The following JARID2 variants were observed in gnomAD, a reference collection of about 807,000 sequenced individuals.
JARID2 encodes the protein jumonji and AT-rich interaction domain containing 2, also known as protein Jumonji.
In JARID2, 21 loss-of-function variants were observed where a neutral mutation model predicts 125.6. That is an observed-to-expected ratio of 0.17 (90% CI 0.12 to 0.24). The LOEUF (loss-of-function observed/expected upper bound fraction) is 0.24, where lower values mean the gene tolerates loss of function less well. JARID2 is among the 10% of genes least tolerant of loss of function. The pLI is 1.00. For missense variants in JARID2, 1,303 were observed against 1,639.6 expected (o/e 0.79, Z 3.55); for synonymous variants, 736 against 661.6 (o/e 1.11, Z -1.73).
chr6:15,395,406 C>G (rs1765183920), intron 2 of JARID2, among the ~76,000 whole-genome samples: 1 of 152,028 alleles, frequency 6.6e-6, no homozygotes, highest in African/African-American at 2.4e-5. Flanking sequence ...GTTGGGACTA[C>G]AGGCGTGCAC....
chr6:15,343,731 T>G (rs1763150230), intron 1 of JARID2, among the ~76,000 whole-genome samples: 1 of 152,206 alleles, frequency 6.6e-6, no homozygotes, highest in African/African-American at 2.4e-5. Flanking sequence ...TAAGATCAGA[T>G]TGTTTAGACT....
intron 1 of JARID2, among the ~76,000 whole-genome samples, chr6:15,278,808 C>T (rs1312123151): frequency 7.9e-5 from 12 of 152,192 alleles, no homozygotes; most frequent in East Asian, 1.9e-4. Context: ...GTGGCCCACA[C>T]GTGTAATCCC....
chr6:15,388,323 A>G (rs1203890004), intron 2 of JARID2, among the ~76,000 whole-genome samples: 1 of 152,126 alleles, frequency 6.6e-6, no homozygotes, highest in Admixed American at 6.5e-5. Flanking sequence ...AAAAGCCAGA[A>G]GAGTGATTAC....
intron 3 of JARID2, among the ~76,000 whole-genome samples, chr6:15,431,670 C>T (rs945325067): frequency 2.6e-5 from 4 of 152,172 alleles, no homozygotes; most frequent in African/African-American, 7.2e-5. Flanking sequence ...GTGTTGAAGA[C>T]TCTTATCTTT....
At chr6:15,308,997 T>G (rs1257808812) in intron 1 of JARID2, among the ~76,000 whole-genome samples, 1 of 152,208 alleles carries the variant, frequency 6.6e-6, no homozygotes, top group Non-Finnish European at 1.5e-5. Context: ...CTGCCCTTCC[T>G]GTGAAGCTGG....
intron 4 of JARID2, among the ~76,000 whole-genome samples, chr6:15,463,309 C>T (rs1768542843): frequency 6.6e-6 from 1 of 152,116 alleles, no homozygotes; most frequent in East Asian, 1.9e-4. Context: ...ATGTGGTGTT[C>T]CATGTGAGGA....
chr6:15,513,645 G>A (rs770923214), intron 16 of JARID2, among the ~76,000 whole-genome samples: 5 of 152,224 alleles, frequency 3.3e-5, no homozygotes, highest in Non-Finnish European at 7.3e-5. Context: ...TTCTGCCCAC[G>A]CGTGGCCCTC....
chr6:15,372,716 A>ATT (rs1007809942), intron 1 of JARID2, among the ~76,000 whole-genome samples: 1 of 145,938 alleles, frequency 6.9e-6, no homozygotes, highest in Non-Finnish European at 1.5e-5. Flanking sequence ...TTATTTATTT[A>ATT]TTTTTTTTTT....
At chr6:15,382,147 C>T (rs901420281) in intron 2 of JARID2, among the ~76,000 whole-genome samples, 3 of 152,202 alleles carry the variant, frequency 2.0e-5, no homozygotes, top group African/African-American at 7.2e-5. Context: ...CCTGTACTCC[C>T]AGCTACTCAG....
chr6:15,451,219 G>C (rs1445427590), intron 3 of JARID2, among the ~76,000 whole-genome samples: 1 of 152,180 alleles, frequency 6.6e-6, no homozygotes, highest in Non-Finnish European at 1.5e-5. Flanking sequence ...GAATTTCTAC[G>C]TAAGATATTC....
chr6:15,346,495 G>A (rs1411758235), intron 1 of JARID2, among the ~76,000 whole-genome samples: 1 of 152,108 alleles, frequency 6.6e-6, no homozygotes, highest in African/African-American at 2.4e-5. Context: ...ATGATTTTCT[G>A]GGTTTGCAGG....
intron 1 of JARID2, among the ~76,000 whole-genome samples, chr6:15,325,105 T>G (rs1762494967): frequency 6.6e-6 from 1 of 152,194 alleles, no homozygotes; most frequent in Non-Finnish European, 1.5e-5. Flanking sequence ...TTAACTTAAT[T>G]TAGTCACCAC....
At chr6:15,472,548 G>C (rs2127686630) in intron 5 of JARID2, among the ~76,000 whole-genome samples, 1 of 152,224 alleles carries the variant, frequency 6.6e-6, no homozygotes, top group South Asian at 2.1e-4. Context: ...TGTCGTATTT[G>C]AATTGTGAAT....
At chr6:15,253,472 TC>T (rs1759533635) in intron 1 of JARID2, among the ~76,000 whole-genome samples, 1 of 152,214 alleles carries the variant, frequency 6.6e-6, no homozygotes, top group African/African-American at 2.4e-5. Context: ...GACTTCCTGT[TC>T]CTGTCACTTC....
chr6:15,429,707 G>A (rs1253129073), intron 3 of JARID2, among the ~76,000 whole-genome samples: 1 of 152,078 alleles, frequency 6.6e-6, no homozygotes, highest in African/African-American at 2.4e-5. Context: ...AAACCCATTG[G>A]ATTTGTTTTT....
rs1475526706 is a variant in JARID2, at chr6:15,378,495, AGAC to A, written c.181+4244_181+4246del. On this transcript the variant is annotated intron_variant, in intron 2 of 17. Coordinates refer to ENST00000341776, the MANE Select transcript of JARID2 (RefSeq NM_004973.4). ...TGCCTCTGAGAGCCCTGGCACTCAG[AGAC>A]TCTCAGAGATCTGTAAACTGAAAGA... 2.0e-5 allele frequency among the ~76,000 whole-genome samples: 3 copies of A among 152,088 alleles called. No homozygotes were observed. The East Asian group carries it at 5.8e-4, about 29-fold the overall frequency.
intron 12 of JARID2, 69 bp downstream of exon 12, chr6:15,508,523 G>A: frequency 2.3e-6 from 2 of 854,650 alleles, no homozygotes; most frequent in Non-Finnish European, 4.1e-6. Flanking sequence ...AGTGGGGCCT[G>A]TGGGTAACTT....
intron 1 of JARID2, among the ~76,000 whole-genome samples, chr6:15,253,188 C>T (rs962313583): frequency 3.3e-5 from 5 of 152,030 alleles, no homozygotes; most frequent in Non-Finnish European, 7.4e-5. Context: ...CTCAGCCTCC[C>T]GAGTAGCTGG....
intron 2 of JARID2, among the ~76,000 whole-genome samples, chr6:15,399,329 G>T (rs542039290): frequency 6.6e-6 from 1 of 152,264 alleles, no homozygotes; most frequent in South Asian, 2.1e-4. Flanking sequence ...CTACCTCTGT[G>T]ACCTTTGCTA....
Sources: gnomAD v4.1 joint callset for allele counts (sites outside exome capture counted in the v4.1 genomes callset) on GRCh38, gnomAD v4.1.1 for gene constraint, MANE v1.5 for transcripts, NCBI Gene and HGNC (gene_info 2026-07-23, HGNC 2026-07-21) for gene names.